NPPB: variants seen among roughly 807,000 people sequenced by gnomAD.
The protein encoded by NPPB is natriuretic peptide B, also known as natriuretic peptides B.
A neutral mutation model predicts 12.7 loss-of-function variants in NPPB; 13 were observed. That is an observed-to-expected ratio of 1.03 (90% CI 0.67 to 1.63). The LOEUF (loss-of-function observed/expected upper bound fraction) is 1.63. Among genes scored for constraint, NPPB ranks in the 40% most tolerant of loss-of-function variants. NPPB has a pLI of 0.00. For synonymous variants in NPPB, 66 were observed against 74.7 expected, an observed-to-expected ratio of 0.88 and a Z score of 0.60; for missense variants, 184 against 172.9, an observed-to-expected ratio of 1.06 and a Z score of -0.36.
Position 11,858,896 on chromosome 1 carries a change from G to A in NPPB, c.-63C>T. On this transcript the variant is annotated 5_prime_UTR_variant, in exon 1 of 3. Coordinates refer to ENST00000376468, the MANE Select transcript of NPPB (RefSeq NM_002521.3). ...CTGCTGCTGCTGCTGCTGCTGCGAT[G>A]CGTCCGGGTTTGCTTCCCACCTGCC... 1.2e-6 allele frequency: 2 copies of A among 1,606,460 alleles called. No homozygotes were observed. The highest frequency in any genetic ancestry group is 1.7e-5 in the Admixed American group (1 of 59,688).
At position 11,858,715 on chromosome 1, in the gene NPPB, G is replaced by A; in HGVS notation, c.119C>T (p.Thr40Met). 7 of 1,614,196 alleles carry A rather than the reference G, an allele frequency of 4.3e-6. No homozygotes were observed. The highest frequency in any genetic ancestry group is 1.6e-4 in the Middle Eastern group (1 of 6,062). Residue 40 changes from threonine (T) to methionine (M), a missense_variant, in exon 1 of 3, where the codon ACG becomes ATG. Physicochemically the swap from Thr to Met is moderately conservative, Grantham distance 81. Transcript: ENST00000376468. Reference protein sequence around the residue: ...GSPGSASDLETSGLQEQRNHL... With the variant: ...GSPGSASDLEMSGLQEQRNHL... The stretch of plus-strand genomic sequence containing the variant: ...CTCCGCTCTCACCTGTAACCCGGAC[G>A]TTTCCAAGTCCGAGGCTGAACCGGG...
rs537267864 is a variant in NPPB, at chr1:11,858,213, C to A, written c.388+1G>T. ...CGGCCGGGGTGGCAGGGGGTGCTTA[C>A]CTTTGCAGCCCAGGCCACTGGAGGA... is the stretch of plus-strand genomic sequence containing the variant. On this transcript the variant is annotated splice_donor_variant, in intron 2 of 2. Coordinates refer to ENST00000376468, the MANE Select transcript of NPPB (RefSeq NM_002521.3). LOFTEE classifies it high-confidence loss of function. 48 of 1,600,500 alleles carry A rather than the reference C, an allele frequency of 3.0e-5. No homozygotes were observed. Among genetic ancestry groups the A allele is most frequent in the African/African-American group, 8.0e-5 (6 of 74,692 alleles).
chr1:11,858,650 G>A, intron 1 of NPPB, 52 bp downstream of exon 1: 1 of 1,613,550 alleles, frequency 6.2e-7, no homozygotes, highest in Admixed American at 1.7e-5. Flanking sequence ...CAGCAGGTGA[G>A]GACCCTTTCA....
In NPPB at chr1:11,858,411, A is replaced by G; in HGVS notation, c.191T>C (p.Leu64Pro). The change falls in exon 2 of 3, where the codon CTG becomes CCG. Residue 64 changes from leucine (L) to proline (P), a missense_variant. Leu to Pro is a moderately conservative substitution (Grantham distance 98). Transcript: ENST00000376468. ...LSELQVEQTSLEPLQESPRPT... is the reference protein window; with the variant it reads ...LSELQVEQTSPEPLQESPRPT... ...ACGGGGGCTCTCCTGGAGGGGCTCC[A>G]GGGATGTCTGCTCCACCTGCAGCTC... The G allele has an allele frequency of 6.4e-7, 1 of 1,570,388 alleles. No homozygotes were observed. Among genetic ancestry groups the G allele is most frequent in the Non-Finnish European group, 8.6e-7 (1 of 1,157,156 alleles).
rs553000352 is a variant in NPPB at position 11,858,260 on chromosome 1, C to T, written c.342G>A (p.Gly114=). The change falls in exon 2 of 3, where the codon GGG becomes GGA. Residue 114 remains glycine, a synonymous_variant. Transcript: ENST00000376468. ...PKMVQGSGCF[G]RKMDRISSSS... ...AGGAGCTGATCCGGTCCATCTTCCTCCCAAAGCAGCCAGACCCTTGCACCA... is the reference window on the plus strand; with the variant it reads ...AGGAGCTGATCCGGTCCATCTTCCTTCCAAAGCAGCCAGACCCTTGCACCA... 1 of 1,613,848 alleles carries T rather than the reference C, an allele frequency of 6.2e-7. No individual in the cohort carries two copies. Among genetic ancestry groups the T allele is most frequent in the Non-Finnish European group, 8.5e-7 (1 of 1,179,844 alleles).
chr1:11,858,617 G>C, intron 1 of NPPB, 85 bp downstream of exon 1: 6 of 1,604,310 alleles, frequency 3.7e-6, no homozygotes, highest in Non-Finnish European at 5.1e-6. Flanking sequence ...TAATTCCAAA[G>C]GAAAGATGAG....
Position 11,858,758 on chromosome 1 carries a change from A to G in NPPB, c.76T>C (p.Ser26Pro). 1 of 1,614,108 alleles carries G rather than the reference A, an allele frequency of 6.2e-7. No homozygotes were observed. The highest frequency in any genetic ancestry group is 8.5e-7 in the Non-Finnish European group (1 of 1,180,010). ...FLHLAFLGGR[S>P]HPLGSPGSAS... ...GAACCGGGGCTGCCCAGCGGGTGGG[A>G]ACGACCTCCCAGGAAAGCCAGATGC... Residue 26 changes from serine to proline, a missense_variant, in exon 1 of 3, where the codon TCC (serine) becomes CCC (proline). Transcript: ENST00000376468.
chr1:11,858,660 A>T (rs1461912758), intron 1 of NPPB, 42 bp downstream of exon 1: 12 of 1,613,832 alleles, frequency 7.4e-6, no homozygotes, highest in Non-Finnish European at 9.3e-6. Context: ...GGACCCTTTC[A>T]TTGCTGCTGT....
In NPPB at chr1:11,858,876, G is replaced by GCTGCTGCTGCTT; in HGVS notation, c.-44_-43insAAGCAGCAGCAG. 6.3e-7 allele frequency: 1 copy of GCTGCTGCTGCTT among 1,582,080 alleles called. No homozygotes were observed. The highest frequency in any genetic ancestry group is 2.2e-5 in the East Asian group (1 of 44,788). ...GGAGGCTGCTGCTGCTGCTTCTGCT[G>GCTGCTGCTGCTT]CTGCTGCTGCTGCTGCGATGCGTCC... On this transcript the variant is annotated 5_prime_UTR_variant, in exon 1 of 3. Coordinates refer to ENST00000376468, the MANE Select transcript of NPPB (RefSeq NM_002521.3).
At chr1:11,858,635 T>G in intron 1 of NPPB, 67 bp downstream of exon 1, 1 of 1,610,474 alleles carries the variant, frequency 6.2e-7, no homozygotes, top group Non-Finnish European at 8.5e-7. Context: ...GAGGGCCTCT[T>G]GGGACAGCAG....
chr1:11,857,492 C>T lies in NPPB; in HGVS notation c.*163G>A. 1 of 640,990 alleles carries T rather than the reference C, an allele frequency of 1.6e-6. No individual in the cohort carries two copies. The highest frequency in any genetic ancestry group is 2.8e-6 in the Non-Finnish European group (1 of 360,652). 39.7% of individuals were successfully genotyped at this position (640,990 alleles called of 1,614,324 possible). On this transcript the variant is annotated 3_prime_UTR_variant, in exon 3 of 3. Transcript: ENST00000376468. ...AGCTTATAATGTTGACTTTATTTCACCGTGGAAATTTTGTGCTCAAAGGTA... is the reference window on the plus strand; with the variant it reads ...AGCTTATAATGTTGACTTTATTTCATCGTGGAAATTTTGTGCTCAAAGGTA...
At position 11,857,530 on chromosome 1, in the gene NPPB, A is replaced by T. The variant is rs927611343; in HGVS notation, c.*125T>A. On this transcript the variant is annotated 3_prime_UTR_variant, in exon 3 of 3. Transcript: ENST00000376468. Reference sequence around the variant, plus strand: ...GTGCTCAAAGGTAAGAAACCATCTTATATAAAACAATCAAATAAATACATA... The same window carrying T: ...GTGCTCAAAGGTAAGAAACCATCTTTTATAAAACAATCAAATAAATACATA... The T allele has an allele frequency of 7.8e-6, 7 of 894,082 alleles. No homozygotes were observed. The African/African-American group carries it at 1.2e-4, about 15-fold the overall frequency. 55.4% of individuals were successfully genotyped at this position (894,082 alleles called of 1,614,324 possible).
At chr1:11,857,741 TC>T in intron 2 of NPPB, 70 bp from the exon 3 acceptor site, 3 of 1,520,622 alleles carry the variant, frequency 2.0e-6, no homozygotes, top group South Asian at 1.1e-5. Context: ...GCTTACCTCA[TC>T]GTGTGCCACC....
At position 11,858,480 on chromosome 1, in the gene NPPB, TG is replaced by T; in HGVS notation, c.133-12del. The T allele has an allele frequency of 6.5e-7, 1 of 1,533,440 alleles. No homozygotes were observed. Among genetic ancestry groups the T allele is most frequent in the Non-Finnish European group, 8.8e-7 (1 of 1,141,498 alleles). 95.0% of individuals were successfully genotyped at this position (1,533,440 alleles called of 1,614,324 possible). A position where few individuals can be genotyped will look rare whatever the true frequency, so the allele number is the denominator to read the frequency against. On this transcript the variant is annotated splice_polypyrimidine_tract_variant and intron_variant, in intron 1 of 2. Coordinates refer to ENST00000376468, the MANE Select transcript of NPPB (RefSeq NM_002521.3). ...ATGGTTGCGCTGCTCCTGCAATGAATGGGGGCGTCCAAGCCTCAGGGACCCA... is the reference window on the plus strand; with the variant it reads ...ATGGTTGCGCTGCTCCTGCAATGAATGGGGCGTCCAAGCCTCAGGGACCCA...
intron 2 of NPPB, among the ~76,000 whole-genome samples, chr1:11,857,926 C>G (rs1176332127): frequency 6.6e-6 from 1 of 152,228 alleles, no homozygotes; most frequent in Admixed American, 6.5e-5. Context: ...TTCTGCACCA[C>G]TGGGGGGCTG....
chr1:11,858,651 G>C (rs1255196371), intron 1 of NPPB, 51 bp downstream of exon 1: 2 of 1,613,340 alleles, frequency 1.2e-6, no homozygotes, highest in Non-Finnish European at 1.7e-6. Context: ...AGCAGGTGAG[G>C]ACCCTTTCAT....
At position 11,858,854 on chromosome 1, in the gene NPPB, G is replaced by GGCTGCTGCTGCTGCTTCTGCTGCT; in HGVS notation, c.-45_-22dup. 3 of 1,609,022 alleles carry GGCTGCTGCTGCTGCTTCTGCTGCT rather than the reference G, an allele frequency of 1.9e-6. No homozygotes were observed. The highest frequency in any genetic ancestry group is 2.5e-6 in the Non-Finnish European group (3 of 1,179,874). On this transcript the variant is annotated 5_prime_UTR_variant, in exon 1 of 3. Transcript: ENST00000376468. ...TCCATGTCTCTGGAGGGACTGCGGA[G>GGCTGCTGCTGCTGCTTCTGCTGCT]GCTGCTGCTGCTGCTTCTGCTGCTG...
rs1157439339 is a variant in NPPB at position 11,857,661 on chromosome 1, C to T, written c.399G>A (p.Arg133=). Residue 133 remains arginine (R), a synonymous_variant, in exon 3 of 3, where the codon CGG becomes CGA. Transcript: ENST00000376468. The part of the protein sequence containing the change: ...SSGLGCKVLR[R]H ...CTGCAGCCAGGACTTCCTCTTAATG[C>T]CGCCTCAGCACTGTCAGGGAAAGAG... The T allele has an allele frequency of 2.5e-6, 4 of 1,614,024 alleles. No homozygotes were observed. The highest frequency in any genetic ancestry group is 3.4e-6 in the Non-Finnish European group (4 of 1,179,958).
intron 2 of NPPB, 75 bp downstream of exon 2, chr1:11,858,139 C>A: frequency 1.4e-6 from 2 of 1,404,924 alleles, no homozygotes; most frequent in African/African-American, 1.4e-5. Flanking sequence ...CCAGAGACAA[C>A]AAACCCCAAA....
Sources: allele counts gnomAD v4.1 joint callset (sites outside exome capture counted in the v4.1 genomes callset), GRCh38; gene constraint gnomAD v4.1.1; transcripts MANE v1.5; gene names NCBI Gene and HGNC (gene_info 2026-07-23, HGNC 2026-07-21).